Variants in CSMD1 observed in about 807,000 individuals in gnomAD.
The protein encoded by CSMD1 is CUB and sushi domain-containing protein 1.
In CSMD1, 213 loss-of-function variants were observed where a neutral mutation model predicts 417.5. The observed-to-expected ratio is 0.51, with a 90% CI of 0.46 to 0.57. The LOEUF is 0.57. Among genes scored for constraint, CSMD1 ranks in the 20% least tolerant of loss-of-function variants. The pLI is 0.00. For missense variants in CSMD1, 6,923 were observed against 4,529.7 expected, an observed-to-expected ratio of 1.53 and a Z score of -15.17; for synonymous variants, 2,862 against 1,736.8, an observed-to-expected ratio of 1.65 and a Z score of -16.11.
intron 3 of CSMD1, among the ~76,000 whole-genome samples, chr8:4,276,565 C>T (rs1355881131): frequency 6.6e-6 from 1 of 152,062 alleles, no homozygotes; most frequent in Admixed American, 6.6e-5. Context: ...ACGTTCTGCA[C>T]ATGTACCCCA....
At chr8:4,331,856 G>C (rs1799886048) in intron 3 of CSMD1, among the ~76,000 whole-genome samples, 2 of 151,808 alleles carry the variant, frequency 1.3e-5, no homozygotes, top group African/African-American at 4.8e-5. Context: ...CAATCCATTT[G>C]CTTAAAAAAA....
rs114402614 is a variant in CSMD1, at chr8:4,220,604, G to A, written c.416-188505C>T. On this transcript the variant is annotated intron_variant, in intron 3 of 69. Transcript: ENST00000635120. ...TTTTCCTAGAGTGATAAGGGTCCATGTGAGAGGAAGGACCAGTGGTATATT... is the reference window on the plus strand; with the variant it reads ...TTTTCCTAGAGTGATAAGGGTCCATATGAGAGGAAGGACCAGTGGTATATT... Among the ~76,000 whole-genome samples the A allele has an allele frequency of 1.2e-3, 190 of 152,352 alleles. 2 individuals are homozygous for A. The highest frequency in any genetic ancestry group is 4.3e-3 in the African/African-American group (178 of 41,588).
At chr8:3,435,710 C>G (rs1814515614) in intron 12 of CSMD1, among the ~76,000 whole-genome samples, 1 of 152,108 alleles carries the variant, frequency 6.6e-6, no homozygotes, top group East Asian at 2.0e-4. Flanking sequence ...GACCTCCTTC[C>G]CATCCCAACA....
intron 3 of CSMD1, among the ~76,000 whole-genome samples, chr8:4,089,052 G>A (rs1027765347): frequency 1.1e-4 from 17 of 152,150 alleles, no homozygotes; most frequent in African/African-American, 3.9e-4. Context: ...AAGATATTCT[G>A]GTCTTGCCGC....
chr8:4,207,901 C>T (rs1004123204), intron 3 of CSMD1, among the ~76,000 whole-genome samples: 1 of 152,026 alleles, frequency 6.6e-6, no homozygotes, highest in Admixed American at 6.6e-5. Flanking sequence ...GAGCAACAAA[C>T]ATAACTATAT....
intron 3 of CSMD1, among the ~76,000 whole-genome samples, chr8:4,062,450 C>A (rs1646839502): frequency 6.6e-6 from 1 of 152,094 alleles, no homozygotes; most frequent in African/African-American, 2.4e-5. Context: ...TCTCAGATAT[C>A]TGACACAATG....
chr8:3,671,843 G>A (rs1261201135), intron 7 of CSMD1, among the ~76,000 whole-genome samples: 1 of 151,938 alleles, frequency 6.6e-6, no homozygotes, highest in Admixed American at 6.6e-5. Flanking sequence ...CTTGAAAGCA[G>A]GCCCACTCAC....
intron 48 of CSMD1, among the ~76,000 whole-genome samples, chr8:3,090,049 T>TA (rs1277009824): frequency 6.6e-6 from 1 of 151,418 alleles, no homozygotes; most frequent in Non-Finnish European, 1.5e-5. Context: ...CGCGGTGGCT[T>TA]AACGCCTGTA....
At chr8:4,567,246 T>A (rs1351749907) in intron 2 of CSMD1, among the ~76,000 whole-genome samples, 1 of 152,176 alleles carries the variant, frequency 6.6e-6, no homozygotes, top group African/African-American at 2.4e-5. Context: ...AGTGAATGAA[T>A]GGTTTCATTC....
chr8:4,560,500 A>G (rs1038316706), intron 2 of CSMD1, among the ~76,000 whole-genome samples: 2 of 152,086 alleles, frequency 1.3e-5, no homozygotes, highest in African/African-American at 4.8e-5. Context: ...ATCCTCTGAC[A>G]CCCAAACTTT....
At chr8:3,596,406 A>G (rs2117052723) in intron 8 of CSMD1, among the ~76,000 whole-genome samples, 1 of 152,322 alleles carries the variant, frequency 6.6e-6, no homozygotes, top group South Asian at 2.1e-4. Context: ...CTCCACGATA[A>G]GTCAACAATG....
intron 3 of CSMD1, among the ~76,000 whole-genome samples, chr8:4,117,353 C>T (rs1486060656): frequency 6.6e-6 from 1 of 151,984 alleles, no homozygotes; most frequent in Non-Finnish European, 1.5e-5. Context: ...GTCATCGCCT[C>T]ATGCTTCATA....
chr8:3,945,507 A>C (rs2912289), intron 5 of CSMD1, among the ~76,000 whole-genome samples: 60,761 of 151,800 alleles, frequency 0.4, 12,356 homozygotes, highest in South Asian at 0.49. Context: ...ATATTTCCAA[A>C]GTTTATTGGT....
rs369997927 is a variant in CSMD1 at position 3,708,492 on chromosome 8, C to G, written c.932-1G>C. 1 of 1,613,682 alleles carries G rather than the reference C, an allele frequency of 6.2e-7. No individual in the cohort carries two copies. Among genetic ancestry groups the G allele is most frequent in the African/African-American group, 1.3e-5 (1 of 74,906 alleles). Reference sequence around the variant, plus strand: ...GACTTCAACTCAATCGCCTTTTTCACTGGAAGAAACAAAACCAAGCCATTA... The same window carrying G: ...GACTTCAACTCAATCGCCTTTTTCAGTGGAAGAAACAAAACCAAGCCATTA... On this transcript the variant is annotated splice_acceptor_variant, in intron 6 of 69. Coordinates refer to ENST00000635120, the MANE Select transcript of CSMD1 (RefSeq NM_033225.6). LOFTEE classifies it high-confidence loss of function.
chr8:4,153,833 C>G (rs1796691448), intron 3 of CSMD1, among the ~76,000 whole-genome samples: 1 of 152,224 alleles, frequency 6.6e-6, no homozygotes, highest in Non-Finnish European at 1.5e-5. Context: ...CGGAACGTCA[C>G]ATGCAAGTGG....
chr8:4,721,660 A>C (rs1809060889), intron 1 of CSMD1, among the ~76,000 whole-genome samples: 1 of 152,150 alleles, frequency 6.6e-6, no homozygotes, highest in South Asian at 2.1e-4. Flanking sequence ...TTCCTCAAAA[A>C]ATTAAACATA....
intron 2 of CSMD1, among the ~76,000 whole-genome samples, chr8:4,555,316 G>A (rs1798038525): frequency 6.6e-6 from 1 of 152,114 alleles, no homozygotes. Flanking sequence ...TTTGGGAGAT[G>A]CTCAGAAGGA....
intron 5 of CSMD1, among the ~76,000 whole-genome samples, chr8:3,935,748 T>C (rs1810451623): frequency 6.6e-6 from 1 of 152,116 alleles, no homozygotes; most frequent in Non-Finnish European, 1.5e-5. Flanking sequence ...CGCTATTCCG[T>C]GAGACACAGC....
intron 3 of CSMD1, among the ~76,000 whole-genome samples, chr8:4,035,148 G>A (rs552123485): frequency 2.0e-5 from 3 of 151,478 alleles, no homozygotes; most frequent in African/African-American, 7.2e-5. Flanking sequence ...ATACAACATC[G>A]GTCCCAGGAG....
Sources: gnomAD v4.1 joint callset for allele counts (sites outside exome capture counted in the v4.1 genomes callset) on GRCh38, gnomAD v4.1.1 for gene constraint, MANE v1.5 for transcripts, NCBI Gene and HGNC (gene_info 2026-07-23, HGNC 2026-07-21) for gene names.